Variants in KLHL18 observed in about 807,000 individuals in gnomAD.
KLHL18 encodes kelch like family member 18.
In KLHL18, 38 loss-of-function variants were observed where a neutral mutation model predicts 58.5. The ratio of observed to expected loss-of-function variants is 0.65; its 90% CI spans 0.50 to 0.85. The LOEUF (loss-of-function observed/expected upper bound fraction) is 0.85. Ranked by LOEUF, KLHL18 falls within the 40% of genes least tolerant of loss-of-function variation. The pLI is 0.00. For missense variants in KLHL18, 624 were observed against 778.4 expected, an observed-to-expected ratio of 0.80 and a Z score of 2.36; for synonymous variants, 303 against 301.9, an observed-to-expected ratio of 1.00 and a Z score of -0.04.
chr3:47,337,009 G>C, intron 7 of KLHL18: 1 of 481,258 alleles, frequency 2.1e-6, no homozygotes, highest in Non-Finnish European at 3.8e-6. Flanking sequence ...GTTATTTTAA[G>C]TGCCAGATAA....
At chr3:47,341,822 C>G (rs1175953472) in intron 8 of KLHL18, among the ~76,000 whole-genome samples, 1 of 149,478 alleles carries the variant, frequency 6.7e-6, no homozygotes, top group Non-Finnish European at 1.5e-5. Flanking sequence ...CTTTGGGAGG[C>G]CAAGGCAGGA....
At chr3:47,327,701 A>G (rs1354999933) in intron 3 of KLHL18, among the ~76,000 whole-genome samples, 1 of 152,204 alleles carries the variant, frequency 6.6e-6, no homozygotes, top group African/African-American at 2.4e-5. Flanking sequence ...AATTCACATC[A>G]GTTTCCAAAG....
intron 1 of KLHL18, among the ~76,000 whole-genome samples, chr3:47,287,736 C>T (rs1453146609): frequency 1.3e-5 from 2 of 152,192 alleles, no homozygotes; most frequent in South Asian, 2.1e-4. Flanking sequence ...CTGCCTGCCT[C>T]GGCCTCCCAA....
intron 1 of KLHL18, among the ~76,000 whole-genome samples, chr3:47,300,656 T>TTTTTTG (rs1703004627): frequency 6.8e-6 from 1 of 146,320 alleles, no homozygotes; most frequent in Non-Finnish European, 1.5e-5. Context: ...TTTTTTTTTT[T>TTTTTTG]GAGACAGAGT....
Position 47,319,745 on chromosome 3 carries a change from C to T in KLHL18, c.222C>T (p.Cys74=). 1.2e-6 allele frequency: 2 copies of T among 1,613,914 alleles called. No homozygotes were observed. The highest frequency in any genetic ancestry group is 1.7e-6 in the Non-Finnish European group (2 of 1,179,854). ...TGTTTACAAATGACATGATGGAGTG[C>T]AAGCAGGATGAGATTGTAATGCAAG... is the stretch of plus-strand genomic sequence containing the variant. ...HAMFTNDMME[C]KQDEIVMQGM... The change falls in exon 2 of 10, where the codon TGC becomes TGT. Residue 74 remains cysteine (C), a synonymous_variant. Transcript: ENST00000232766.
intron 1 of KLHL18, among the ~76,000 whole-genome samples, chr3:47,305,734 C>T (rs1703131741): frequency 1.3e-5 from 2 of 151,982 alleles, no homozygotes; most frequent in African/African-American, 4.8e-5. Context: ...CCATCTGGAC[C>T]TGGTAGATTT....
intron 1 of KLHL18, among the ~76,000 whole-genome samples, chr3:47,313,041 C>G (rs918933742): frequency 6.6e-6 from 1 of 151,336 alleles, no homozygotes; most frequent in Non-Finnish European, 1.5e-5. Context: ...TCCTGAGTAG[C>G]TGGGACTACA....
chr3:47,309,586 C>T (rs1703242655), intron 1 of KLHL18, among the ~76,000 whole-genome samples: 1 of 152,216 alleles, frequency 6.6e-6, no homozygotes. Flanking sequence ...CTCCTCACTT[C>T]CCAGACGGGT....
chr3:47,317,157 A>G (rs1179781228), intron 1 of KLHL18, among the ~76,000 whole-genome samples: 1 of 152,180 alleles, frequency 6.6e-6, no homozygotes, highest in Non-Finnish European at 1.5e-5. Flanking sequence ...CTTCTTGCCC[A>G]GGCTGAGTGC....
chr3:47,345,475 A>G lies in KLHL18; in HGVS notation c.*1534A>G, dbSNP rs932538077. The G allele has an allele frequency of 2.0e-5, 3 of 152,596 alleles. No individual in the cohort carries two copies. The highest frequency in any genetic ancestry group is 4.8e-5 in the African/African-American group (2 of 41,448). The allele number at this position is 152,596 out of a possible 1,614,324, so 9.5% of individuals were successfully genotyped here. Reference sequence around the variant, plus strand: ...CCTCTAATCTTGGCAAATGACCTTTACCTTTTGGAAAGATTTCATATTGCT... The same window carrying G: ...CCTCTAATCTTGGCAAATGACCTTTGCCTTTTGGAAAGATTTCATATTGCT... On this transcript the variant is annotated 3_prime_UTR_variant, in exon 10 of 10. Coordinates refer to ENST00000232766, the MANE Select transcript of KLHL18 (RefSeq NM_025010.5).
At chr3:47,326,684 G>A (rs1297357700) in intron 3 of KLHL18, among the ~76,000 whole-genome samples, 1 of 152,160 alleles carries the variant, frequency 6.6e-6, no homozygotes, top group African/African-American at 2.4e-5. Context: ...CTGGGAGGCC[G>A]AGGCAGGGTG....
chr3:47,325,944 T>TTTTA (rs759306972), intron 3 of KLHL18, among the ~76,000 whole-genome samples: 3 of 151,778 alleles, frequency 2.0e-5, no homozygotes, highest in African/African-American at 4.8e-5. Context: ...ATTTTTGTAT[T>TTTTA]TTTATTTATT....
chr3:47,305,921 G>A (rs942194500), intron 1 of KLHL18, among the ~76,000 whole-genome samples: 1 of 151,980 alleles, frequency 6.6e-6, no homozygotes, highest in Non-Finnish European at 1.5e-5. Flanking sequence ...TTATGATTGC[G>A]GGGTCTGTAG....
intron 1 of KLHL18, among the ~76,000 whole-genome samples, chr3:47,288,714 C>T (rs907670280): frequency 1.3e-5 from 2 of 151,962 alleles, no homozygotes; most frequent in African/African-American, 4.8e-5. Context: ...TAAAAAAAAT[C>T]ACATTCTGTA....
chr3:47,340,647 C>T lies in KLHL18; in HGVS notation c.1197C>T (p.Ser399=), dbSNP rs770819578. Residue 399 remains serine (S), a synonymous_variant, in exon 8 of 10, where the codon TCC becomes TCT. Transcript: ENST00000232766. Reference sequence around the variant, plus strand: ...ACGATGGCAACTCTTCCCTCAGCTCCGTGGAGACCTACTCACCTGAGACGG... The same window carrying T: ...ACGATGGCAACTCTTCCCTCAGCTCTGTGGAGACCTACTCACCTGAGACGG... The part of the protein sequence containing the change: ...GGYDGNSSLS[S]VETYSPETDK... 8.7e-6 allele frequency: 14 copies of T among 1,613,816 alleles called. No homozygotes were observed. The East Asian group carries it at 1.3e-4, about 15-fold the overall frequency.
chr3:47,316,045 A>T (rs1037041182), intron 1 of KLHL18, among the ~76,000 whole-genome samples: 2 of 152,184 alleles, frequency 1.3e-5, no homozygotes, highest in African/African-American at 4.8e-5. Context: ...AGAAAATTAG[A>T]GGATTATTCC....
chr3:47,346,743 A>G lies in KLHL18; in HGVS notation c.*2802A>G, dbSNP rs1270249681. On this transcript the variant is annotated 3_prime_UTR_variant, in exon 10 of 10. Transcript: ENST00000232766. The stretch of plus-strand genomic sequence containing the variant: ...AATTTATGGTTTCCCAGAAAATCTT[A>G]GTTCCTTTTATTTATAGAATGCATG... 6.5e-6 allele frequency: 1 copy of G among 152,676 alleles called. No homozygotes were observed. The highest frequency in any genetic ancestry group is 1.5e-5 in the Non-Finnish European group (1 of 68,050). The allele number at this position is 152,676 out of a possible 1,614,324, so 9.5% of individuals were successfully genotyped here. A position where few individuals can be genotyped will look rare whatever the true frequency, so the allele number is the denominator to read the frequency against.
intron 1 of KLHL18, among the ~76,000 whole-genome samples, chr3:47,289,178 T>G (rs1702739701): frequency 6.6e-6 from 1 of 152,164 alleles, no homozygotes; most frequent in South Asian, 2.1e-4. Context: ...CACAGGGCCA[T>G]AAGCTTAAAG....
chr3:47,290,543 C>T (rs1019551358), intron 1 of KLHL18, among the ~76,000 whole-genome samples: 4 of 151,966 alleles, frequency 2.6e-5, no homozygotes, highest in Admixed American at 1.3e-4. Context: ...CCCACTGCAG[C>T]GTCGAAATCC....
Sources: allele counts gnomAD v4.1 joint callset (sites outside exome capture counted in the v4.1 genomes callset), GRCh38; gene constraint gnomAD v4.1.1; transcripts MANE v1.5; gene names NCBI Gene and HGNC (gene_info 2026-07-23, HGNC 2026-07-21).